TRA2A: variants seen among roughly 807,000 people sequenced by gnomAD.
The protein encoded by TRA2A is transformer-2 protein homolog alpha.
A neutral mutation model predicts 45.7 loss-of-function variants in TRA2A; 31 were observed. The observed-to-expected ratio is 0.68, with a 90% CI of 0.51 to 0.92. The LOEUF (loss-of-function observed/expected upper bound fraction) is 0.92. TRA2A is among the 40% of genes least tolerant of loss of function. The pLI, the probability that TRA2A is intolerant of heterozygous loss-of-function variation, is 0.00. For missense variants in TRA2A, 304 were observed against 367.5 expected, an observed-to-expected ratio of 0.83 and a Z score of 1.41; for synonymous variants, 132 against 126.2, an observed-to-expected ratio of 1.05 and a Z score of -0.31.
chr7:23,516,623 T>C, intron 2 of TRA2A, 95 bp from the exon 3 acceptor site: 1 of 1,102,772 alleles, frequency 9.1e-7, no homozygotes, highest in South Asian at 1.5e-5. Context: ...CTAACTATTC[T>C]CAGGTCCTTC....
At chr7:23,530,470 C>T (rs936512591) in intron 1 of TRA2A, among the ~76,000 whole-genome samples, 1 of 152,232 alleles carries the variant, frequency 6.6e-6, no homozygotes, top group Non-Finnish European at 1.5e-5. Flanking sequence ...ATTCGCCCTT[C>T]AGCACACACA....
rs896738783 is a variant in TRA2A at position 23,504,795 on chromosome 7, G to C, written c.*764C>G. 6.6e-6 allele frequency: 1 copy of C among 152,478 alleles called. No homozygotes were observed. The highest frequency in any genetic ancestry group is 2.4e-5 in the African/African-American group (1 of 41,394). The allele number at this position is 152,478 out of a possible 1,614,324, so 9.4% of individuals were successfully genotyped here. On this transcript the variant is annotated 3_prime_UTR_variant, in exon 8 of 8. Transcript: ENST00000297071. Reference sequence around the variant, plus strand: ...GACAATCCCATTTTCAAAGAAATTAGCTTTTATTTGAGACTACTTTTCCCC... The same window carrying C: ...GACAATCCCATTTTCAAAGAAATTACCTTTTATTTGAGACTACTTTTCCCC...
chr7:23,511,756 T>C (rs1016904645), intron 4 of TRA2A, among the ~76,000 whole-genome samples: 3 of 152,132 alleles, frequency 2.0e-5, no homozygotes, highest in African/African-American at 7.2e-5. Flanking sequence ...TCCTTTATAA[T>C]ACCGAACATG....
chr7:23,508,405 C>T (rs1440719881), intron 4 of TRA2A, among the ~76,000 whole-genome samples: 1 of 151,966 alleles, frequency 6.6e-6, no homozygotes. Flanking sequence ...GTAGCTAGGA[C>T]CACAGGTTTG....
intron 3 of TRA2A, among the ~76,000 whole-genome samples, chr7:23,515,665 C>T (rs1936751729): frequency 6.6e-6 from 1 of 152,126 alleles, no homozygotes; most frequent in African/African-American, 2.4e-5. Context: ...CCAGCCTCAG[C>T]CTCTCAAGTA....
At chr7:23,516,881 G>A (rs1229673735) in intron 2 of TRA2A, among the ~76,000 whole-genome samples, 2 of 151,886 alleles carry the variant, frequency 1.3e-5, no homozygotes, top group Admixed American at 6.6e-5. Context: ...AGGCCGACGC[G>A]AGCAGATCGC....
chr7:23,506,155 G>C lies in TRA2A; in HGVS notation c.753C>G (p.Asp251Glu). The change falls in exon 6 of 8, where the codon GAC becomes GAG. Residue 251 changes from aspartate (D) to glutamate (E), a missense_variant. Asp to Glu is a conservative substitution (Grantham distance 45). This residue lies in a region of TRA2A where 42 missense variants were observed against 37.0 expected (regional missense o/e 1.14). Transcript: ENST00000297071. Reference sequence around the variant, plus strand: ...AACATTACCTGTATCGGTAATCATAGTCTTCATATCTGTCATACCCACGAT... The same window carrying C: ...AACATTACCTGTATCGGTAATCATACTCTTCATATCTGTCATACCCACGAT... ...GYDRGYDRYEDYDYRYRRRSP... is the reference protein window; with the variant it reads ...GYDRGYDRYEEYDYRYRRRSP... The C allele has an allele frequency of 2.5e-6, 4 of 1,608,880 alleles. No individual in the cohort carries two copies. Among genetic ancestry groups the C allele is most frequent in the Non-Finnish European group, 3.4e-6 (4 of 1,176,578 alleles).
intron 1 of TRA2A, chr7:23,531,140 G>A (rs1790564367): frequency 1.2e-6 from 1 of 852,890 alleles, no homozygotes. Flanking sequence ...CACAGCTCTC[G>A]TCTTAAGAAC....
chr7:23,507,258 C>A, intron 5 of TRA2A, 162 bp downstream of exon 5: 2 of 594,264 alleles, frequency 3.4e-6, no homozygotes, highest in Non-Finnish European at 3.0e-6. Context: ...TGCCACCACA[C>A]CTGGCTGATT....
At chr7:23,520,829 A>C (rs1431005945) in intron 2 of TRA2A, among the ~76,000 whole-genome samples, 2 of 151,628 alleles carry the variant, frequency 1.3e-5, no homozygotes, top group Non-Finnish European at 2.9e-5. Flanking sequence ...GGTAGCTGGG[A>C]CTACAGGTGC....
At chr7:23,529,942 T>A (rs1425659071) in intron 1 of TRA2A, among the ~76,000 whole-genome samples, 1 of 149,374 alleles carries the variant, frequency 6.7e-6, no homozygotes, top group Non-Finnish European at 1.5e-5. Flanking sequence ...GAGGGAAAAG[T>A]GACAATTGTC....
intron 2 of TRA2A, 21 bp from the exon 3 acceptor site, chr7:23,516,549 G>A (rs746021721): frequency 8.7e-6 from 14 of 1,611,758 alleles, no homozygotes; most frequent in Admixed American, 1.7e-5. Context: ...AATACATTTA[G>A]GTAAAAATAC....
chr7:23,526,892 A>G (rs1445901318), intron 1 of TRA2A, among the ~76,000 whole-genome samples: 2 of 152,214 alleles, frequency 1.3e-5, no homozygotes, highest in Non-Finnish European at 1.5e-5. Context: ...CTTATCATAA[A>G]TACATGATTT....
chr7:23,527,116 A>G (rs1206214838), intron 1 of TRA2A, among the ~76,000 whole-genome samples: 1 of 152,194 alleles, frequency 6.6e-6, no homozygotes, highest in Non-Finnish European at 1.5e-5. Context: ...GTGATTTAAC[A>G]TTATGTTCTA....
intron 1 of TRA2A, among the ~76,000 whole-genome samples, chr7:23,528,044 T>C (rs529838478): frequency 1.3e-5 from 2 of 152,250 alleles, no homozygotes; most frequent in African/African-American, 2.4e-5. Context: ...GTTAACACTA[T>C]CCCTACTATA....
Position 23,505,378 on chromosome 7 carries a change from T to A in TRA2A, c.*181A>T. On this transcript the variant is annotated 3_prime_UTR_variant, in exon 8 of 8. Coordinates refer to ENST00000297071, the MANE Select transcript of TRA2A (RefSeq NM_013293.5). ...TCAAAATGACAACAATTACATCTTTTAAGAGTATAATAAAATGGGTGGAAA... is the reference window on the plus strand; with the variant it reads ...TCAAAATGACAACAATTACATCTTTAAAGAGTATAATAAAATGGGTGGAAA... 1 of 452,736 alleles carries A rather than the reference T, an allele frequency of 2.2e-6. No homozygotes were observed. 28.0% of individuals were successfully genotyped at this position (452,736 alleles called of 1,614,324 possible).
chr7:23,521,719 C>A lies in TRA2A; in HGVS notation c.158G>T (p.Arg53Ile). The change falls in exon 2 of 8, where the codon AGA becomes ATA. Residue 53 changes from arginine to isoleucine, a missense_variant. Arg to Ile is a moderately conservative substitution (Grantham distance 97). Around this residue, in one of 3 missense-constraint regions of TRA2A, gnomAD observed 132 missense variants for 113.4 expected, o/e 1.16. Coordinates refer to ENST00000297071, the MANE Select transcript of TRA2A (RefSeq NM_013293.5). ...SKHSESHSRS[R>I]SKSRSRSRRH... ...TAAACACACTTACCTGGATTTTGAT[C>A]TTGATCGAGAATGGGATTCAGAGTG... 1 of 1,614,080 alleles carries A rather than the reference C, an allele frequency of 6.2e-7. No homozygotes were observed. The highest frequency in any genetic ancestry group is 8.5e-7 in the Non-Finnish European group (1 of 1,179,994).
At chr7:23,506,034 C>T (rs1016223049) in intron 6 of TRA2A, 104 bp downstream of exon 6, 28 of 1,043,776 alleles carry the variant, frequency 2.7e-5, no homozygotes, top group Admixed American at 4.5e-5. Context: ...CATATATGAT[C>T]TATTTTAAAA....
At chr7:23,513,109 C>G (rs1312761111) in intron 3 of TRA2A, 27 bp from the exon 4 acceptor site, 1 of 1,527,064 alleles carries the variant, frequency 6.5e-7, no homozygotes, top group African/African-American at 1.4e-5. Flanking sequence ...TTATTTAAAA[C>G]TCCAAATTAA....
Sources: gnomAD v4.1 joint callset for allele counts (sites outside exome capture counted in the v4.1 genomes callset) on GRCh38, gnomAD v4.1.1 for gene constraint, gnomAD v4.1.1 regional missense constraint, MANE v1.5 for transcripts, NCBI Gene and HGNC (gene_info 2026-07-23, HGNC 2026-07-21) for gene names.